The following SPAG16 variants were observed in gnomAD, a reference collection of about 807,000 sequenced individuals.
The protein encoded by SPAG16 is sperm associated antigen 16, also known as sperm-associated antigen 16 protein.
Under a neutral mutation model 80.4 loss-of-function variants are expected in SPAG16, and 86 were observed. The observed-to-expected ratio is 1.07, with a 90% CI of 0.90 to 1.28. The LOEUF (loss-of-function observed/expected upper bound fraction) is 1.28, where lower values mean the gene tolerates loss of function less well. Among genes scored for constraint, SPAG16 ranks in the 50% most tolerant of loss-of-function variants. The pLI, the probability that SPAG16 is intolerant of heterozygous loss-of-function variation, is 0.00. For missense variants in SPAG16, 870 were observed against 765.3 expected (o/e 1.14, Z -1.61); for synonymous variants, 294 against 265.9 (o/e 1.11, Z -1.03).
chr2:213,959,553 A>G (rs931571774), intron 12 of SPAG16, among the ~76,000 whole-genome samples: 4 of 152,166 alleles, frequency 2.6e-5, no homozygotes, highest in African/African-American at 9.7e-5. Flanking sequence ...TTATTCATTT[A>G]TATGTGTTTT....
intron 10 of SPAG16, among the ~76,000 whole-genome samples, chr2:213,597,678 T>C (rs1175283520): frequency 2.0e-5 from 3 of 152,132 alleles, no homozygotes; most frequent in Admixed American, 6.5e-5. Context: ...CCAAAATCTT[T>C]ACAAATGCCG....
At chr2:213,684,165 A>T (rs1015161803) in intron 10 of SPAG16, among the ~76,000 whole-genome samples, 2 of 152,252 alleles carry the variant, frequency 1.3e-5, no homozygotes, top group African/African-American at 4.8e-5. Context: ...GCATTTCATT[A>T]AAGATTAATT....
intron 4 of SPAG16, among the ~76,000 whole-genome samples, chr2:213,314,447 T>C (rs1034073737): frequency 1.3e-5 from 2 of 151,756 alleles, no homozygotes. Flanking sequence ...ACAAAAACAT[T>C]ATGTATGAGA....
intron 10 of SPAG16, among the ~76,000 whole-genome samples, chr2:213,801,016 A>G (rs555064229): frequency 1.3e-5 from 2 of 152,200 alleles, no homozygotes; most frequent in Non-Finnish European, 2.9e-5. Flanking sequence ...ATTATCACCA[A>G]TAGCATAAAA....
intron 10 of SPAG16, among the ~76,000 whole-genome samples, chr2:213,770,608 G>C (rs2457183): frequency 0.58 from 87,344 of 151,820 alleles, 25,337 homozygotes; most frequent in Middle Eastern, 0.65. Flanking sequence ...CTGATAATAT[G>C]CTTCCCCTAA....
Position 213,989,589 on chromosome 2 carries a change from A to G in SPAG16, c.1401-24362A>G, listed in dbSNP as rs549511447. On this transcript the variant is annotated intron_variant, in intron 12 of 15. Transcript: ENST00000331683. ...GCTTCAGGATAGACCACAGCCAGGA[A>G]CAGTCATATCTGAACCACTATATTT... Among the ~76,000 whole-genome samples the G allele has an allele frequency of 2.4e-4, 36 of 152,258 alleles. 2 individuals are homozygous for G. The South Asian group carries it at 7.2e-3, about 31-fold the overall frequency.
intron 13 of SPAG16, among the ~76,000 whole-genome samples, chr2:214,027,025 T>C (rs2048166971): frequency 6.6e-6 from 1 of 151,626 alleles, no homozygotes; most frequent in Admixed American, 6.6e-5. Flanking sequence ...AGAAACTTTA[T>C]TCCACTGTTT....
intron 15 of SPAG16, among the ~76,000 whole-genome samples, chr2:214,287,143 T>C (rs1289635678): frequency 6.6e-6 from 1 of 152,218 alleles, no homozygotes; most frequent in African/African-American, 2.4e-5. Context: ...GCAAATGCCA[T>C]AATCATGCAT....
intron 12 of SPAG16, among the ~76,000 whole-genome samples, chr2:213,936,130 C>G (rs1175247869): frequency 1.3e-5 from 2 of 151,938 alleles, no homozygotes; most frequent in Non-Finnish European, 1.5e-5. Flanking sequence ...GCAAGCCAAG[C>G]AGATACTTGG....
Position 214,326,288 on chromosome 2 carries a change from A to G in SPAG16, c.1721-83852A>G, listed in dbSNP as rs189696553. Among the ~76,000 whole-genome samples the G allele has an allele frequency of 2.0e-4, 30 of 152,316 alleles. No individual in the cohort carries two copies. The East Asian group carries it at 3.9e-3, about 20-fold the overall frequency. On this transcript the variant is annotated intron_variant, in intron 15 of 15. Transcript: ENST00000331683. ...AGCAGATACTGGAGTGATGCAGCCA[A>G]AGCCAAGGAAGGCTGCAGCCACTAG... is the stretch of plus-strand genomic sequence containing the variant.
chr2:214,127,267 C>T (rs2054540475), intron 14 of SPAG16, among the ~76,000 whole-genome samples: 1 of 151,792 alleles, frequency 6.6e-6, no homozygotes, highest in Non-Finnish European at 1.5e-5. Flanking sequence ...TTAAAATTGT[C>T]ATCCCTGGTT....
chr2:214,409,583 T>C (rs1702184011), intron 15 of SPAG16, among the ~76,000 whole-genome samples: 2 of 152,166 alleles, frequency 1.3e-5, no homozygotes, highest in South Asian at 4.1e-4. Flanking sequence ...TCTCAAGTCA[T>C]TTTGAAATGG....
intron 13 of SPAG16, among the ~76,000 whole-genome samples, chr2:214,068,442 A>T (rs1304281193): frequency 6.6e-6 from 1 of 152,156 alleles, no homozygotes; most frequent in Admixed American, 6.6e-5. Context: ...CCCAAGTTTT[A>T]TCAGTAACCA....
intron 15 of SPAG16, among the ~76,000 whole-genome samples, chr2:214,285,806 TAATA>T (rs1396100177): frequency 2.6e-5 from 4 of 151,712 alleles, no homozygotes; most frequent in Non-Finnish European, 4.4e-5. Flanking sequence ...CCATCTCAAA[TAATA>T]ATAATAATAA....
At chr2:213,317,069 T>C (rs2063427993) in intron 4 of SPAG16, 150 bp from the exon 5 acceptor site, 1 of 485,698 alleles carries the variant, frequency 2.1e-6, no homozygotes, top group African/African-American at 1.9e-5. Context: ...CTAAAATATA[T>C]TATGACTGTT....
chr2:213,803,242 A>C (rs898861362), intron 10 of SPAG16, among the ~76,000 whole-genome samples: 4 of 152,200 alleles, frequency 2.6e-5, no homozygotes, highest in Admixed American at 1.3e-4. Context: ...GACAGATTGG[A>C]CATAATTTGT....
intron 14 of SPAG16, among the ~76,000 whole-genome samples, chr2:214,118,224 A>G (rs2054038936): frequency 6.6e-6 from 1 of 152,198 alleles, no homozygotes; most frequent in Non-Finnish European, 1.5e-5. Context: ...AAGATATGAC[A>G]AAGAAGCCCA....
intron 10 of SPAG16, among the ~76,000 whole-genome samples, chr2:213,602,955 T>C (rs916050664): frequency 1.6e-4 from 25 of 152,256 alleles, no homozygotes; most frequent in Non-Finnish European, 2.4e-4. Context: ...TTTAATTCAC[T>C]TACAGTGCAT....
intron 13 of SPAG16, among the ~76,000 whole-genome samples, chr2:214,067,667 T>C (rs1458331264): frequency 6.6e-6 from 1 of 152,122 alleles, no homozygotes; most frequent in Non-Finnish European, 1.5e-5. Flanking sequence ...AAGAATGCTA[T>C]CATAATGATA....
Sources: allele counts gnomAD v4.1 joint callset (sites outside exome capture counted in the v4.1 genomes callset), GRCh38; gene constraint gnomAD v4.1.1; transcripts MANE v1.5; gene names NCBI Gene and HGNC (gene_info 2026-07-23, HGNC 2026-07-21).